Variants in HOXA5 observed in about 807,000 individuals in gnomAD.
HOXA5 encodes the protein homeobox protein Hox-A5.
A neutral mutation model predicts 20.0 loss-of-function variants in HOXA5; 12 were observed. The observed-to-expected ratio is 0.60, with a 90% confidence interval of 0.38 to 0.97. HOXA5 has a LOEUF of 0.97. Ranked by LOEUF, HOXA5 falls within the 50% of genes least tolerant of loss-of-function variation. The probability of loss-of-function intolerance (pLI) is 0.00; values close to 1 mark genes in which losing one functional copy is unlikely to be tolerated. For synonymous variants in HOXA5, 159 were observed against 157.7 expected (o/e 1.01, Z -0.06); for missense variants, 352 against 380.3 (o/e 0.93, Z 0.62).
At chr7:27,142,859 T>A in intron 1 of HOXA5, 187 bp downstream of exon 1, 1 of 567,136 alleles carries the variant, frequency 1.8e-6, no homozygotes, top group South Asian at 2.8e-5. Context: ...CCACTATTTG[T>A]GAGCGCAGGG....
chr7:27,142,682 C>T (rs2128060380), intron 1 of HOXA5: 2 of 265,872 alleles, frequency 7.5e-6, no homozygotes, highest in African/African-American at 2.2e-5. Context: ...ATAAATTATC[C>T]GCCGTGACAA....
In HOXA5 at chr7:27,143,521, G is replaced by C. The variant is rs1299785201; in HGVS notation, c.87C>G (p.Ser29=). 2 of 1,613,698 alleles carry C rather than the reference G, an allele frequency of 1.2e-6. No individual in the cohort carries two copies. The highest frequency in any genetic ancestry group is 1.7e-6 in the Non-Finnish European group (2 of 1,179,916). ...YQLHNYGDHS[S]VSEQFRDSAS... Reference sequence around the variant, plus strand: ...CCGAGTCCCTGAATTGCTCGCTCACGGAACTATGATCTCCATAATTATGCA... The same window carrying C: ...CCGAGTCCCTGAATTGCTCGCTCACCGAACTATGATCTCCATAATTATGCA... The change falls in exon 1 of 2, where the codon TCC becomes TCG. Residue 29 remains serine, a synonymous_variant. Coordinates refer to ENST00000222726, the MANE Select transcript of HOXA5 (RefSeq NM_019102.4).
rs754368141 is a variant in HOXA5, at chr7:27,143,410, G to T, written c.198C>A (p.Ser66=). 1.2e-6 allele frequency: 2 copies of T among 1,611,054 alleles called. No individual in the cohort carries two copies. Among genetic ancestry groups the T allele is most frequent in the Non-Finnish European group, 1.7e-6 (2 of 1,179,396 alleles). ...VGRSGSGHFG[S]GERARSYAAS... ...CAGCGTAGCTGCGGGCGCGCTCTCC[G>T]GAGCCAAAGTGGCCGGAGCCCGAGC... Residue 66 remains serine (S), a synonymous_variant, in exon 1 of 2, where the codon TCC becomes TCA. Coordinates refer to ENST00000222726, the MANE Select transcript of HOXA5 (RefSeq NM_019102.4).
In HOXA5 at chr7:27,141,788, T is replaced by C. The variant is rs1247665826; in HGVS notation, c.*47A>G. 1 of 1,595,464 alleles carries C rather than the reference T, an allele frequency of 6.3e-7. No individual in the cohort carries two copies. The highest frequency in any genetic ancestry group is 1.1e-5 in the South Asian group (1 of 87,654). On this transcript the variant is annotated 3_prime_UTR_variant, in exon 2 of 2. Coordinates refer to ENST00000222726, the MANE Select transcript of HOXA5 (RefSeq NM_019102.4). The stretch of plus-strand genomic sequence containing the variant: ...CAGAAAGTCACCTTAGTACTGACAC[T>C]ACGCGGGATCCGCTAATACTGCTCA...
chr7:27,143,260 G>C lies in HOXA5; in HGVS notation c.348C>G (p.His116Gln). Residue 116 changes from histidine (H) to glutamine (Q), a missense_variant, in exon 1 of 2, where the codon CAC (histidine) becomes CAG (glutamine). This residue lies in a region of HOXA5 where 319 missense variants were observed against 336.5 expected (regional missense o/e 0.95). Coordinates refer to ENST00000222726, the MANE Select transcript of HOXA5 (RefSeq NM_019102.4). ...VAPSPGSDSH[H>Q]GGKNSLSNSS... ...AGTTGCTTAGGGAGTTTTTCCCGCCGTGGTGGCTGTCGCTGCCGGGCGAGG... is the reference window on the plus strand; with the variant it reads ...AGTTGCTTAGGGAGTTTTTCCCGCCCTGGTGGCTGTCGCTGCCGGGCGAGG... 1 of 1,608,020 alleles carries C rather than the reference G, an allele frequency of 6.2e-7. No homozygotes were observed. The highest frequency in any genetic ancestry group is 8.5e-7 in the Non-Finnish European group (1 of 1,178,682).
At chr7:27,142,761 GC>G (rs1229399413) in intron 1 of HOXA5, 2 of 409,730 alleles carry the variant, frequency 4.9e-6, no homozygotes. Flanking sequence ...TGACCCGGGA[GC>G]GCGTCCCAAG....
At chr7:27,142,562 T>C (rs1384619622) in intron 1 of HOXA5, among the ~76,000 whole-genome samples, 1 of 152,152 alleles carries the variant, frequency 6.6e-6, no homozygotes, top group Non-Finnish European at 1.5e-5. Flanking sequence ...TCTCTCTCCC[T>C]CCTGCCCCCA....
chr7:27,142,792 T>G, intron 1 of HOXA5: 14 of 425,746 alleles, frequency 3.3e-5, no homozygotes, highest in South Asian at 7.1e-5. Flanking sequence ...TCCAGAGGGG[T>G]TTTTTGCTTC....
chr7:27,143,110 C>G lies in HOXA5; in HGVS notation c.498G>C (p.Pro166=). The G allele has an allele frequency of 5.1e-6, 8 of 1,579,074 alleles. No individual in the cohort carries two copies. The highest frequency in any genetic ancestry group is 6.9e-6 in the Non-Finnish European group (8 of 1,167,428). Residue 166 remains proline (P), a synonymous_variant, in exon 1 of 2, where the codon CCG becomes CCC. Coordinates refer to ENST00000222726, the MANE Select transcript of HOXA5 (RefSeq NM_019102.4). ...SSEQASAQSE[P]SPAPPAQPQI... Reference sequence around the variant, plus strand: ...GGGGTTGGGCGGGCGGCGCCGGGCTCGGCTCGCTCTGCGCACTCGCCTGCT... The same window carrying G: ...GGGGTTGGGCGGGCGGCGCCGGGCTGGGCTCGCTCTGCGCACTCGCCTGCT...
rs769648817 is a variant in HOXA5, at chr7:27,143,451, C to G, written c.157G>C (p.Asp53His). 54 of 1,613,762 alleles carry G rather than the reference C, an allele frequency of 3.3e-5. 1 individual carries two copies. Among genetic ancestry groups the G allele is most frequent in the Non-Finnish European group, 4.6e-5 (54 of 1,179,928 alleles). Residue 53 changes from aspartate to histidine, a missense_variant, in exon 1 of 2, where the codon GAT (aspartate) becomes CAT (histidine). This residue lies in a region of HOXA5 where 319 missense variants were observed against 336.5 expected (regional missense o/e 0.95). Transcript: ENST00000222726. ...GRYGYGYNGM[D>H]LSVGRSGSGH... ...GAGCCCGAGCGGCCGACGCTGAGAT[C>G]CATGCCATTGTAGCCGTAGCCGTAC...
rs1400523136 is a variant in HOXA5, at chr7:27,141,436, G to C, written c.*399C>G. On this transcript the variant is annotated 3_prime_UTR_variant, in exon 2 of 2. Transcript: ENST00000222726. ...TTAACAGCTTGGAGCTATTGAGACA[G>C]GAACACTTCCACGCACATGCACAGT... The C allele has an allele frequency of 1.8e-5, 3 of 170,866 alleles. No homozygotes were observed. The highest frequency in any genetic ancestry group is 7.2e-5 in the African/African-American group (3 of 41,668). 10.6% of individuals were successfully genotyped at this position (170,866 alleles called of 1,614,324 possible). A position where few individuals can be genotyped will look rare whatever the true frequency, so the allele number is the denominator to read the frequency against.
rs147485948 is a variant in HOXA5 at position 27,141,113 on chromosome 7, C to CAAAAAAA, written c.*715_*721dup. Reference sequence around the variant, plus strand: ...AGTATTTTTTCCTTAAAAACAAATACAAAAAAAAAAAAAAAAAAAAAAAAG... The same window carrying CAAAAAAA: ...AGTATTTTTTCCTTAAAAACAAATACAAAAAAAAAAAAAAAAAAAAAAAAAAAAAAAG... On this transcript the variant is annotated 3_prime_UTR_variant, in exon 2 of 2. Coordinates refer to ENST00000222726, the MANE Select transcript of HOXA5 (RefSeq NM_019102.4). 129 of 82,916 alleles carry CAAAAAAA rather than the reference C, an allele frequency of 1.6e-3. No homozygotes were observed. The highest frequency in any genetic ancestry group is 2.4e-3 in the African/African-American group (48 of 20,384). The allele number at this position is 82,916 out of a possible 1,614,324, so 5.1% of individuals were successfully genotyped here. A position where few individuals can be genotyped will look rare whatever the true frequency, so the allele number is the denominator to read the frequency against.
Position 27,143,667 on chromosome 7 carries a change from C to T in HOXA5, c.-60G>A. 2 of 1,524,864 alleles carry T rather than the reference C, an allele frequency of 1.3e-6. No homozygotes were observed. Among genetic ancestry groups the T allele is most frequent in the Non-Finnish European group, 1.8e-6 (2 of 1,135,484 alleles). 94.5% of individuals were successfully genotyped at this position (1,524,864 alleles called of 1,614,324 possible). A position where few individuals can be genotyped will look rare whatever the true frequency, so the allele number is the denominator to read the frequency against. Reference sequence around the variant, plus strand: ...GCGGTCGTTTGTGCGTCTATAGCACCCTTGCACAATTTATGATGAATTATG... The same window carrying T: ...GCGGTCGTTTGTGCGTCTATAGCACTCTTGCACAATTTATGATGAATTATG... On this transcript the variant is annotated 5_prime_UTR_variant, in exon 1 of 2. Transcript: ENST00000222726.
Position 27,141,843 on chromosome 7 carries a change from G to C in HOXA5, c.805C>G (p.Arg269Gly). 6.2e-7 allele frequency: 1 copy of C among 1,613,898 alleles called. No homozygotes were observed. Among genetic ancestry groups the C allele is most frequent in the Non-Finnish European group, 8.5e-7 (1 of 1,179,992 alleles). The change falls in exon 2 of 2, where the codon CGT (arginine) becomes GGT (glycine). Residue 269 changes from arginine to glycine, a missense_variant. Around this residue, in one of 3 missense-constraint regions of HOXA5, gnomAD observed 30 missense variants for 26.0 expected, o/e 1.15. Coordinates refer to ENST00000222726, the MANE Select transcript of HOXA5 (RefSeq NM_019102.4). Reference sequence around the variant, plus strand: ...TTTAAACGCTCAGATACTCAGGGACGGAAGGCCCCTCCTGCCGCGGCCATG... The same window carrying C: ...TTTAAACGCTCAGATACTCAGGGACCGAAGGCCCCTCCTGCCGCGGCCATG... Reference protein sequence around the residue: ...MSMAAAGGAFRP With the variant: ...MSMAAAGGAFGP
At position 27,141,665 on chromosome 7, in the gene HOXA5, A is replaced by C. The variant is rs1210597132; in HGVS notation, c.*170T>G. Reference sequence around the variant, plus strand: ...AGATGAACAGAAAGCAGATCTACTTATACAGGCGCTATAATGGCAATAAAC... The same window carrying C: ...AGATGAACAGAAAGCAGATCTACTTCTACAGGCGCTATAATGGCAATAAAC... On this transcript the variant is annotated 3_prime_UTR_variant, in exon 2 of 2. Transcript: ENST00000222726. The C allele has an allele frequency of 8.0e-6, 6 of 746,774 alleles. No homozygotes were observed. The highest frequency in any genetic ancestry group is 3.5e-5 in the African/African-American group (2 of 56,470). 46.3% of individuals were successfully genotyped at this position (746,774 alleles called of 1,614,324 possible).
In HOXA5 at chr7:27,143,075, G is replaced by C; in HGVS notation, c.533C>G (p.Pro178Arg). 1 of 1,546,334 alleles carries C rather than the reference G, an allele frequency of 6.5e-7. No homozygotes were observed. The highest frequency in any genetic ancestry group is 8.7e-7 in the Non-Finnish European group (1 of 1,152,904). Reference protein sequence around the residue: ...PAPPAQPQIYPWMRKLHISHD... With the variant: ...PAPPAQPQIYRWMRKLHISHD... ...ACTTATGTGCAGCTTGCGCATCCAG[G>C]GGTAGATCTGGGGTTGGGCGGGCGG... is the stretch of plus-strand genomic sequence containing the variant. Residue 178 changes from proline to arginine, a missense_variant, in exon 1 of 2, where the codon CCC (proline) becomes CGC (arginine). This residue lies in a region of HOXA5 where 319 missense variants were observed against 336.5 expected (regional missense o/e 0.95). Transcript: ENST00000222726.
chr7:27,142,176 G>A, intron 1 of HOXA5, 91 bp from the exon 2 acceptor site: 1 of 1,428,900 alleles, frequency 7.0e-7, no homozygotes, highest in Non-Finnish European at 9.3e-7. Context: ...AGGGAACCCA[G>A]GCGAAAAGCT....
chr7:27,142,167 G>T, intron 1 of HOXA5, 82 bp from the exon 2 acceptor site: 1 of 1,482,202 alleles, frequency 6.7e-7, no homozygotes, highest in South Asian at 1.3e-5. Context: ...GTCATGAGCA[G>T]GGAACCCAGG....
rs1782555195 is a variant in HOXA5 at position 27,141,130 on chromosome 7, A to G, written c.*705T>C. 1 of 151,802 alleles carries G rather than the reference A, an allele frequency of 6.6e-6. No individual in the cohort carries two copies. Among genetic ancestry groups the G allele is most frequent in the South Asian group, 2.1e-4 (1 of 4,828 alleles). The allele number at this position is 151,802 out of a possible 1,614,324, so 9.4% of individuals were successfully genotyped here. A position where few individuals can be genotyped will look rare whatever the true frequency, so the allele number is the denominator to read the frequency against. On this transcript the variant is annotated 3_prime_UTR_variant, in exon 2 of 2. Coordinates refer to ENST00000222726, the MANE Select transcript of HOXA5 (RefSeq NM_019102.4). ...AACAAATACAAAAAAAAAAAAAAAA[A>G]AAAAAAAGCTGATCACAGTTTGCTT...
Sources: gnomAD v4.1 joint callset for allele counts (sites outside exome capture counted in the v4.1 genomes callset) on GRCh38, gnomAD v4.1.1 for gene constraint, gnomAD v4.1.1 regional missense constraint, MANE v1.5 for transcripts, NCBI Gene and HGNC (gene_info 2026-07-23, HGNC 2026-07-21) for gene names.